The following RYR2 variants were observed in gnomAD, a reference collection of about 807,000 sequenced individuals.
RYR2 encodes the protein ryanodine receptor 2.
Under a neutral mutation model 601.1 loss-of-function variants are expected in RYR2, and 227 were observed. The ratio of observed to expected loss-of-function variants is 0.38; its 90% confidence interval spans 0.34 to 0.42. The LOEUF is 0.42. Among genes scored for constraint, RYR2 ranks in the 10% least tolerant of loss-of-function variants. The probability of loss-of-function intolerance (pLI) is 1.00; values close to 1 mark genes in which losing one functional copy is unlikely to be tolerated. For synonymous variants in RYR2, 2,223 were observed against 2,175.1 expected (o/e 1.02, Z -0.61); for missense variants, 4,646 against 6,156.5 (o/e 0.75, Z 8.21).
intron 42 of RYR2, among the ~76,000 whole-genome samples, chr1:237,632,389 CTTTTTTTTTTT>C (rs11448751): frequency 3.9e-5 from 5 of 127,370 alleles, no homozygotes; most frequent in African/African-American, 5.6e-5. Flanking sequence ...AAAGTGAATT[CTTTTTTTTTTT>C]TTTTTTTTTT....
intron 1 of RYR2, among the ~76,000 whole-genome samples, chr1:237,166,300 G>T (rs529085555): frequency 2.0e-5 from 3 of 152,060 alleles, no homozygotes; most frequent in Admixed American, 2.0e-4. Context: ...ATATTAGACA[G>T]CACCAGCAAT....
At chr1:237,471,951 A>C (rs2150316214) in intron 17 of RYR2, among the ~76,000 whole-genome samples, 1 of 152,358 alleles carries the variant, frequency 6.6e-6, no homozygotes. Context: ...AAATCTTAGA[A>C]AAATTATTGT....
rs1490736464 is a variant in RYR2, at chr1:237,388,314, T to C, written c.773+131T>C. 12 of 723,594 alleles carry C rather than the reference T, an allele frequency of 1.7e-5. No homozygotes were observed. In the Admixed American group the frequency reaches 2.6e-4, roughly 16 times the overall value. 44.8% of individuals were successfully genotyped at this position (723,594 alleles called of 1,614,324 possible). A position where few individuals can be genotyped will look rare whatever the true frequency, so the allele number is the denominator to read the frequency against. ...GGGCTACTGACATTCATTGATTCACTGAAGTGATCCATTTGTTGCCCCCTC... is the reference window on the plus strand; with the variant it reads ...GGGCTACTGACATTCATTGATTCACCGAAGTGATCCATTTGTTGCCCCCTC... On this transcript the variant is annotated intron_variant, in intron 10 of 104. Transcript: ENST00000366574.
At chr1:237,352,941 A>C in intron 3 of RYR2, 13 of 468,206 alleles carry the variant, frequency 2.8e-5, no homozygotes, top group South Asian at 2.1e-4. Flanking sequence ...GTATGTCGCA[A>C]CTTTCATGGG....
chr1:237,631,784 C>T (rs879865180), intron 42 of RYR2, among the ~76,000 whole-genome samples: 19 of 151,576 alleles, frequency 1.3e-4, no homozygotes, highest in South Asian at 4.2e-4. Context: ...CCCGCCACCT[C>T]GCCCGGCTAA....
intron 1 of RYR2, among the ~76,000 whole-genome samples, chr1:237,218,185 A>AT (rs1364322458): frequency 1.3e-5 from 2 of 152,196 alleles, no homozygotes; most frequent in East Asian, 3.9e-4. Context: ...GTTATTTTTC[A>AT]TTTTGATGGT....
At position 237,658,008 on chromosome 1, in the gene RYR2, T is replaced by C; in HGVS notation, c.8194T>C (p.Trp2732Arg). 1.3e-6 allele frequency: 2 copies of C among 1,497,866 alleles called. No homozygotes were observed. The highest frequency in any genetic ancestry group is 1.8e-6 in the Non-Finnish European group (2 of 1,118,048). 92.8% of individuals were successfully genotyped at this position (1,497,866 alleles called of 1,614,324 possible). The change falls in exon 54 of 105, where the codon TGG becomes CGG. Residue 2732 changes from tryptophan (W) to arginine (R), a missense_variant. Physicochemically the swap from Trp to Arg is moderately radical, Grantham distance 101. Transcript: ENST00000366574. ...ATATGCAGAACACTCCCATGACAAA[T>C]GGTCAATGGACAAGGTAAAAAGAGT... ...NKYAEHSHDK[W>R]SMDKLANGWI...
At chr1:237,647,156 C>T (rs968528169) in intron 48 of RYR2, among the ~76,000 whole-genome samples, 2 of 152,118 alleles carry the variant, frequency 1.3e-5, no homozygotes, top group Non-Finnish European at 2.9e-5. Context: ...TCATAATATA[C>T]TGATTTGACA....
intron 101 of RYR2, among the ~76,000 whole-genome samples, chr1:237,821,242 C>A (rs948256242): frequency 1.3e-5 from 2 of 152,116 alleles, no homozygotes; most frequent in Admixed American, 1.3e-4. Context: ...AGATACCTCC[C>A]AGTAGGGGCC....
intron 2 of RYR2, among the ~76,000 whole-genome samples, chr1:237,274,476 C>T (rs765385810): frequency 2.7e-4 from 41 of 152,116 alleles, no homozygotes; most frequent in Admixed American, 5.2e-4. Flanking sequence ...TATTTTCATA[C>T]AGCTGTGTTT....
intron 98 of RYR2, among the ~76,000 whole-genome samples, chr1:237,804,979 G>T (rs1020090946): frequency 1.3e-5 from 2 of 152,136 alleles, no homozygotes; most frequent in Admixed American, 6.5e-5. Context: ...TGGTTGTCAT[G>T]ACTCAGGGGA....
chr1:237,274,100 T>C (rs937744629), intron 2 of RYR2, among the ~76,000 whole-genome samples: 3 of 147,416 alleles, frequency 2.0e-5, no homozygotes, highest in Non-Finnish European at 3.0e-5. Flanking sequence ...AGATATATGA[T>C]AATGTAGATA....
intron 101 of RYR2, among the ~76,000 whole-genome samples, chr1:237,826,043 A>G (rs182490637): frequency 6.6e-6 from 1 of 152,336 alleles, no homozygotes; most frequent in East Asian, 1.9e-4. Context: ...ATGGAGAAAT[A>G]GGAACACTTT....
At chr1:237,566,245 C>T (rs1022680951) in intron 27 of RYR2, among the ~76,000 whole-genome samples, 5 of 152,094 alleles carry the variant, frequency 3.3e-5, no homozygotes, top group African/African-American at 1.2e-4. Flanking sequence ...CCTCCACAAC[C>T]AAAGCACCAA....
chr1:237,180,259 G>A lies in RYR2; in HGVS notation c.49-90238G>A, dbSNP rs1005652285. The stretch of plus-strand genomic sequence containing the variant: ...ACAGGGGTGAGCACAGCTCAGGTGA[G>A]GAATGACAAGGGAAGATTCCACGCT... On this transcript the variant is annotated intron_variant, in intron 1 of 104. Coordinates refer to ENST00000366574, the MANE Select transcript of RYR2 (RefSeq NM_001035.3). The surrounding 1 kb of genome is among the most constrained non-coding windows in gnomAD (Gnocchi z 5.3). 1.3e-5 allele frequency among the ~76,000 whole-genome samples: 2 copies of A among 152,164 alleles called. No homozygotes were observed. The highest frequency in any genetic ancestry group is 1.3e-4 in the Admixed American group (2 of 15,270).
chr1:237,745,153 G>A (rs1691966640), intron 80 of RYR2, among the ~76,000 whole-genome samples: 1 of 151,912 alleles, frequency 6.6e-6, no homozygotes, highest in Admixed American at 6.6e-5. Flanking sequence ...TATAGTTCTT[G>A]TATCATCATC....
chr1:237,208,984 ATG>A (rs199624973), intron 1 of RYR2, among the ~76,000 whole-genome samples: 14 of 117,948 alleles, frequency 1.2e-4, no homozygotes, highest in Admixed American at 3.4e-4. Context: ...ATATATATAT[ATG>A]TATACTGTAA....
At chr1:237,507,494 A>G (rs1289762751) in intron 23 of RYR2, among the ~76,000 whole-genome samples, 1 of 152,204 alleles carries the variant, frequency 6.6e-6, no homozygotes, top group Non-Finnish European at 1.5e-5. Flanking sequence ...ACTTTCTTAT[A>G]CCTGACTGAA....
At chr1:237,783,604 C>A in intron 89 of RYR2, 71 bp from the exon 90 acceptor site, 1 of 884,148 alleles carries the variant, frequency 1.1e-6, no homozygotes, top group East Asian at 2.6e-5. Context: ...TAAAGATCTA[C>A]ATTGTTATCT....
Sources: allele counts gnomAD v4.1 joint callset (sites outside exome capture counted in the v4.1 genomes callset), GRCh38; gene constraint gnomAD v4.1.1; non-coding constraint Gnocchi (gnomAD v3.1); transcripts MANE v1.5; gene names NCBI Gene and HGNC (gene_info 2026-07-23, HGNC 2026-07-21).